WDR7: variants seen among roughly 807,000 people sequenced by gnomAD.
The protein encoded by WDR7 is WD repeat-containing protein 7.
A neutral mutation model predicts 169.4 loss-of-function variants in WDR7; 46 were observed. That is an observed-to-expected ratio of 0.27 (90% CI 0.21 to 0.35). WDR7 has a LOEUF of 0.35. WDR7 is among the 10% of genes least tolerant of loss of function. The pLI is 1.00. For missense variants in WDR7, 1,534 were observed against 1,859.3 expected (o/e 0.83, Z 3.22); for synonymous variants, 612 against 666.8 (o/e 0.92, Z 1.27).
At chr18:56,675,523 G>T (rs1227710662) in intron 2 of WDR7, among the ~76,000 whole-genome samples, 1 of 151,710 alleles carries the variant, frequency 6.6e-6, no homozygotes, top group Admixed American at 6.6e-5. Context: ...CATTGCTGGT[G>T]TATAGAAATA....
intron 1 of WDR7, among the ~76,000 whole-genome samples, chr18:56,662,581 G>A (rs1054368915): frequency 6.6e-6 from 1 of 152,224 alleles, no homozygotes; most frequent in Non-Finnish European, 1.5e-5. Flanking sequence ...AGGTGGTGCA[G>A]TGTGAAGTGT....
chr18:56,771,046 A>T (rs2044147169), intron 16 of WDR7, among the ~76,000 whole-genome samples: 2 of 152,192 alleles, frequency 1.3e-5, no homozygotes, highest in Admixed American at 1.3e-4. Flanking sequence ...ATTCCCTACA[A>T]CAACTGACCC....
intron 20 of WDR7, among the ~76,000 whole-genome samples, chr18:56,820,360 A>AAAAAC (rs2045072821): frequency 1.5e-5 from 2 of 135,952 alleles, no homozygotes; most frequent in South Asian, 4.5e-4. Flanking sequence ...AAAAAAAAAA[A>AAAAAC]AAAACCACCT....
chr18:56,787,812 A>AC (rs1256087160), intron 19 of WDR7, among the ~76,000 whole-genome samples: 3 of 152,234 alleles, frequency 2.0e-5, no homozygotes, highest in Non-Finnish European at 4.4e-5. Context: ...AGGTAAGATG[A>AC]AACTGTGTTA....
chr18:56,968,642 C>T (rs2047443881), intron 26 of WDR7, among the ~76,000 whole-genome samples: 1 of 152,138 alleles, frequency 6.6e-6, no homozygotes, highest in Admixed American at 6.5e-5. Flanking sequence ...AACTCTAATC[C>T]CGTATAGAGC....
chr18:56,947,400 T>A (rs1036510152), intron 25 of WDR7, among the ~76,000 whole-genome samples: 2 of 152,044 alleles, frequency 1.3e-5, no homozygotes, highest in Admixed American at 6.6e-5. Flanking sequence ...TGTTAGAGGG[T>A]TCTGAGTAAT....
intron 20 of WDR7, among the ~76,000 whole-genome samples, chr18:56,823,265 A>T (rs1211298723): frequency 1.3e-5 from 2 of 152,106 alleles, no homozygotes; most frequent in Admixed American, 6.6e-5. Flanking sequence ...TGTCCTGTAG[A>T]TACCTAAATA....
chr18:56,900,082 G>GTATATATATATATA (rs1191116351), intron 21 of WDR7, among the ~76,000 whole-genome samples: 51 of 32,048 alleles, frequency 1.6e-3, no homozygotes, highest in African/African-American at 3.1e-3. Context: ...GTGTGTGTGT[G>GTATATATATATATA]TATATATATA....
chr18:56,675,869 C>CCAGCTAT (rs1481799047), intron 2 of WDR7, among the ~76,000 whole-genome samples: 1 of 151,592 alleles, frequency 6.6e-6, no homozygotes, highest in Non-Finnish European at 1.5e-5. Context: ...ACTCTGTTGC[C>CCAGCTAT]CAGGCTGGGG....
At chr18:56,772,000 G>T (rs1000376915) in intron 16 of WDR7, among the ~76,000 whole-genome samples, 20 of 141,770 alleles carry the variant, frequency 1.4e-4, no homozygotes, top group African/African-American at 5.2e-4. Flanking sequence ...GGTTGAAGCT[G>T]CAGTGAGCTG....
intron 25 of WDR7, among the ~76,000 whole-genome samples, chr18:56,943,181 A>G (rs2047056191): frequency 6.6e-6 from 1 of 152,228 alleles, no homozygotes; most frequent in Non-Finnish European, 1.5e-5. Context: ...AATATCTGCC[A>G]TGTCTGTACC....
chr18:56,996,855 A>G (rs1568305915), intron 26 of WDR7, among the ~76,000 whole-genome samples: 1 of 152,220 alleles, frequency 6.6e-6, no homozygotes, highest in African/African-American at 2.4e-5. Context: ...ACTGTCATAT[A>G]GCACTTAAAC....
At chr18:56,866,122 C>T (rs1049996301) in intron 20 of WDR7, among the ~76,000 whole-genome samples, 3 of 152,160 alleles carry the variant, frequency 2.0e-5, no homozygotes, top group Non-Finnish European at 4.4e-5. Flanking sequence ...GGAATGCCCA[C>T]TCTGTTTGTG....
rs574528969 is a variant in WDR7 at position 56,934,156 on chromosome 18, T to A, written c.3714-1632T>A. 2.6e-5 allele frequency among the ~76,000 whole-genome samples: 4 copies of A among 152,358 alleles called. No individual in the cohort carries two copies. In the South Asian group the frequency reaches 8.3e-4, roughly 32 times the overall value. ...AAAGAAGCATCACAGGGTATCTACA[T>A]GTAGTTTAATTGGCTTTTGTATTGT... is the stretch of plus-strand genomic sequence containing the variant. On this transcript the variant is annotated intron_variant, in intron 22 of 27. Coordinates refer to ENST00000254442, the MANE Select transcript of WDR7 (RefSeq NM_015285.3).
chr18:56,836,683 A>T (rs139187320), intron 20 of WDR7, among the ~76,000 whole-genome samples: 2,222 of 152,296 alleles, frequency 0.015, 50 homozygotes, highest in African/African-American at 0.049. Flanking sequence ...AGATAATATG[A>T]ACACAAAGGA....
intron 1 of WDR7, among the ~76,000 whole-genome samples, chr18:56,659,730 A>G (rs1373948771): frequency 2.0e-5 from 3 of 152,170 alleles, no homozygotes; most frequent in Non-Finnish European, 4.4e-5. Context: ...AGCAGATGGA[A>G]AAGAGTAAGC....
At chr18:56,744,404 G>A (rs1382438881) in intron 14 of WDR7, among the ~76,000 whole-genome samples, 3 of 152,132 alleles carry the variant, frequency 2.0e-5, no homozygotes, top group Non-Finnish European at 4.4e-5. Context: ...GGGAGGAAGG[G>A]AGTGATCCTG....
At chr18:56,951,715 A>G (rs528110674) in intron 25 of WDR7, among the ~76,000 whole-genome samples, 2 of 152,300 alleles carry the variant, frequency 1.3e-5, no homozygotes, top group African/African-American at 2.4e-5. Context: ...CACTATATGT[A>G]TATACACATG....
intron 21 of WDR7, among the ~76,000 whole-genome samples, chr18:56,881,840 C>G (rs1310459228): frequency 6.6e-6 from 1 of 152,194 alleles, no homozygotes; most frequent in African/African-American, 2.4e-5. Context: ...CCCACCTCAG[C>G]CTCCCAAAGT....
Sources: gnomAD v4.1 joint callset for allele counts (sites outside exome capture counted in the v4.1 genomes callset) on GRCh38, gnomAD v4.1.1 for gene constraint, MANE v1.5 for transcripts, NCBI Gene and HGNC (gene_info 2026-07-23, HGNC 2026-07-21) for gene names.